The following COTL1 variants were observed in gnomAD, a reference collection of about 807,000 sequenced individuals.
COTL1 encodes coactosin like F-actin binding protein 1, also known as coactosin-like protein.
In COTL1, 15 loss-of-function variants were observed where a neutral mutation model predicts 16.5. The observed-to-expected ratio is 0.91, with a 90% CI of 0.61 to 1.40. The LOEUF is 1.40. COTL1 is among the 40% of genes most tolerant of loss of function. The probability of loss-of-function intolerance (pLI) is 0.00; values close to 1 mark genes in which losing one functional copy is unlikely to be tolerated. For synonymous variants in COTL1, 112 were observed against 85.3 expected (o/e 1.31, Z -1.73); for missense variants, 220 against 201.5 (o/e 1.09, Z -0.56).
chr16:84,571,223 C>T (rs891260), intron 3 of COTL1, among the ~76,000 whole-genome samples: 6 of 152,044 alleles, frequency 3.9e-5, no homozygotes, highest in African/African-American at 4.8e-5. Context: ...GAGCCCCCGC[C>T]GCGTGACTGC....
chr16:84,597,293 A>G (rs1004196373), intron 2 of COTL1, among the ~76,000 whole-genome samples: 4 of 152,200 alleles, frequency 2.6e-5, no homozygotes, highest in Non-Finnish European at 5.9e-5. Flanking sequence ...AAGAATCTGC[A>G]CACTGCAGAT....
chr16:84,604,636 AG>A (rs1269075583), intron 2 of COTL1, among the ~76,000 whole-genome samples: 1 of 152,090 alleles, frequency 6.6e-6, no homozygotes, highest in East Asian at 1.9e-4. Flanking sequence ...GCCACACAGC[AG>A]CCAGGTTTGG....
intron 3 of COTL1, among the ~76,000 whole-genome samples, chr16:84,570,954 CTTTTT>C (rs59583914): frequency 6.8e-6 from 1 of 147,668 alleles, no homozygotes; most frequent in African/African-American, 2.5e-5. Context: ...CTCATTCCTG[CTTTTT>C]TTTTTTTTCC....
At chr16:84,612,531 C>T (rs988478650) in intron 2 of COTL1, among the ~76,000 whole-genome samples, 6 of 152,092 alleles carry the variant, frequency 3.9e-5, no homozygotes, top group African/African-American at 9.7e-5. Flanking sequence ...GCCTGTAATC[C>T]CAGCATTTTG....
chr16:84,605,751 C>T (rs1905199698), intron 2 of COTL1, among the ~76,000 whole-genome samples: 1 of 152,244 alleles, frequency 6.6e-6, no homozygotes, highest in Non-Finnish European at 1.5e-5. Flanking sequence ...GCCCTGTCCA[C>T]ACCTGGATTT....
At chr16:84,595,872 T>G (rs1408656850) in intron 2 of COTL1, 1 of 150,692 alleles carries the variant, frequency 6.6e-6, no homozygotes, top group East Asian at 1.9e-4. Flanking sequence ...TATATTCATG[T>G]ATTTGTGTAT....
chr16:84,589,603 C>T (rs985138282), intron 3 of COTL1, among the ~76,000 whole-genome samples: 9 of 152,080 alleles, frequency 5.9e-5, no homozygotes, highest in Admixed American at 3.3e-4. Context: ...TCAACATGAC[C>T]GTGTTACCCG....
At chr16:84,607,783 G>A (rs1905243459) in intron 2 of COTL1, among the ~76,000 whole-genome samples, 3 of 152,118 alleles carry the variant, frequency 2.0e-5, no homozygotes, top group Admixed American at 2.0e-4. Flanking sequence ...AGCTCACTGG[G>A]GTCAGGGAAA....
At chr16:84,588,489 T>C (rs527656634) in intron 3 of COTL1, among the ~76,000 whole-genome samples, 3 of 152,308 alleles carry the variant, frequency 2.0e-5, no homozygotes, top group Middle Eastern at 3.4e-3. Flanking sequence ...ACATTGCAGA[T>C]AGCCTATTTT....
intron 3 of COTL1, among the ~76,000 whole-genome samples, chr16:84,572,214 G>A (rs560543604): frequency 9.8e-5 from 15 of 152,344 alleles, no homozygotes; most frequent in African/African-American, 3.6e-4. Flanking sequence ...AGCAATGCCT[G>A]AAACTGGAGG....
intron 2 of COTL1, among the ~76,000 whole-genome samples, chr16:84,612,428 C>T (rs1168292518): frequency 6.6e-6 from 1 of 152,026 alleles, no homozygotes; most frequent in Non-Finnish European, 1.5e-5. Flanking sequence ...TGAGTGGGGA[C>T]GTGTACTGAA....
intron 2 of COTL1, among the ~76,000 whole-genome samples, chr16:84,614,353 T>G (rs1905414954): frequency 2.7e-5 from 4 of 149,142 alleles, no homozygotes; most frequent in Non-Finnish European, 4.5e-5. Context: ...AGTGCGGGGG[T>G]GGGAGGGAAC....
chr16:84,586,476 G>T (rs1014221983), intron 3 of COTL1, among the ~76,000 whole-genome samples: 1 of 152,194 alleles, frequency 6.6e-6, no homozygotes, highest in Admixed American at 6.5e-5. Context: ...TCCTTTGGGG[G>T]TGATGAGAAA....
At chr16:84,602,275 C>T (rs147072694) in intron 2 of COTL1, among the ~76,000 whole-genome samples, 2,016 of 151,884 alleles carry the variant, frequency 0.013, 50 homozygotes, top group African/African-American at 0.046. Context: ...CCTGTAATCC[C>T]AACACTTTGG....
chr16:84,568,414 G>A (rs1409032894), intron 3 of COTL1: 1 of 152,246 alleles, frequency 6.6e-6, no homozygotes, highest in African/African-American at 2.4e-5. Flanking sequence ...CATCAACAGA[G>A]GAGTGGATTA....
intron 3 of COTL1, among the ~76,000 whole-genome samples, chr16:84,586,797 G>A (rs1237750226): frequency 1.3e-5 from 2 of 151,874 alleles, no homozygotes; most frequent in Admixed American, 6.6e-5. Context: ...TGGCATGTTC[G>A]CCAGGCTGGT....
intron 2 of COTL1, among the ~76,000 whole-genome samples, chr16:84,606,336 C>T (rs1171252214): frequency 2.0e-5 from 3 of 152,176 alleles, no homozygotes; most frequent in East Asian, 3.9e-4. Context: ...GGACGGCGGG[C>T]CCTCCTGTGT....
chr16:84,579,035 T>G (rs2016923), intron 3 of COTL1, among the ~76,000 whole-genome samples: 105,682 of 151,132 alleles, frequency 0.7, 37,169 homozygotes, highest in East Asian at 0.97. Flanking sequence ...TCATACACAG[T>G]AGTGCACACA....
In COTL1 at chr16:84,612,157, G is replaced by A. The variant is rs544352751; in HGVS notation, c.160+5344C>T. On this transcript the variant is annotated intron_variant, in intron 2 of 3. Coordinates refer to ENST00000262428, the MANE Select transcript of COTL1 (RefSeq NM_021149.5). ...TTATGGAGTGCTCACTATGTCCCAA[G>A]CAGCATAAGGACTTGCTTCCTTAAT... 4.6e-5 allele frequency among the ~76,000 whole-genome samples: 7 copies of A among 152,230 alleles called. No individual in the cohort carries two copies. In the South Asian group the frequency reaches 8.3e-4, roughly 18 times the overall value.
Sources: gnomAD v4.1 joint callset for allele counts (sites outside exome capture counted in the v4.1 genomes callset) on GRCh38, gnomAD v4.1.1 for gene constraint, MANE v1.5 for transcripts, NCBI Gene and HGNC (gene_info 2026-07-23, HGNC 2026-07-21) for gene names.